The following CDH13 variants were observed in gnomAD, a reference collection of about 807,000 sequenced individuals.
CDH13 encodes the protein cadherin-13.
CDH13 carries 24 observed loss-of-function variants against 63.8 expected under a neutral mutation model. That is an observed-to-expected ratio of 0.38 (90% CI 0.27 to 0.53). CDH13 has a LOEUF of 0.53. CDH13 is among the 20% of genes least tolerant of loss of function. CDH13 has a pLI of 0.85. For missense variants in CDH13, 1,049 were observed against 903.1 expected (o/e 1.16, Z -2.07); for synonymous variants, 503 against 355.3 (o/e 1.42, Z -4.67).
intron 3 of CDH13, among the ~76,000 whole-genome samples, chr16:83,103,406 C>T (rs139449832): frequency 6.6e-5 from 10 of 151,360 alleles, no homozygotes; most frequent in East Asian, 3.9e-4. Flanking sequence ...CCACCACGCC[C>T]GGCTGATTTT....
intron 7 of CDH13, among the ~76,000 whole-genome samples, chr16:83,490,353 A>G (rs1008453639): frequency 1.3e-5 from 2 of 152,158 alleles, no homozygotes; most frequent in Admixed American, 6.5e-5. Flanking sequence ...TGCCTTTTAT[A>G]GATTCACTTT....
At chr16:82,911,006 G>T (rs946340251) in intron 2 of CDH13, among the ~76,000 whole-genome samples, 1 of 152,148 alleles carries the variant, frequency 6.6e-6, no homozygotes, top group Non-Finnish European at 1.5e-5. Context: ...GCTGAGGTTG[G>T]TGTACACTCA....
intron 3 of CDH13, among the ~76,000 whole-genome samples, chr16:83,058,608 C>G (rs892146360): frequency 6.6e-6 from 1 of 152,158 alleles, no homozygotes; most frequent in Admixed American, 6.5e-5. Flanking sequence ...GCTCCCCTGA[C>G]CACACAGGAA....
intron 2 of CDH13, chr16:82,859,747 A>G (rs1402068187): frequency 2.0e-5 from 3 of 152,110 alleles, no homozygotes; most frequent in Non-Finnish European, 4.4e-5. Flanking sequence ...AAAAAAAAAA[A>G]AAGCACACTT....
At chr16:82,997,184 G>C (rs541413191) in intron 2 of CDH13, among the ~76,000 whole-genome samples, 20 of 152,158 alleles carry the variant, frequency 1.3e-4, no homozygotes, top group African/African-American at 4.6e-4. Flanking sequence ...TGATGGTGGT[G>C]ATGTTGATGG....
intron 7 of CDH13, among the ~76,000 whole-genome samples, chr16:83,568,241 C>T (rs976224497): frequency 2.0e-5 from 3 of 151,936 alleles, no homozygotes; most frequent in African/African-American, 7.3e-5. Context: ...TCAGAGCTGT[C>T]GAGATGAAAA....
At chr16:82,702,687 A>C (rs2031145586) in intron 1 of CDH13, among the ~76,000 whole-genome samples, 2 of 152,330 alleles carry the variant, frequency 1.3e-5, no homozygotes, top group Admixed American at 6.5e-5. Context: ...CAATTCTGAC[A>C]ATGTGTAAGC....
chr16:82,896,292 T>TTTTTTTTTTTTTTTTC (rs2041256833), intron 2 of CDH13, among the ~76,000 whole-genome samples: 1 of 51,558 alleles, frequency 1.9e-5, no homozygotes, highest in African/African-American at 6.7e-5. Flanking sequence ...TTTTTTTTTT[T>TTTTTTTTTTTTTTTTC]TTTTTTTTTT....
intron 8 of CDH13, among the ~76,000 whole-genome samples, chr16:83,656,760 C>T (rs1483371096): frequency 6.6e-6 from 1 of 152,178 alleles, no homozygotes; most frequent in Non-Finnish European, 1.5e-5. Context: ...AATATCACAG[C>T]CAATTTTAGG....
intron 10 of CDH13, among the ~76,000 whole-genome samples, chr16:83,723,442 C>T (rs998069065): frequency 6.6e-6 from 1 of 152,238 alleles, no homozygotes; most frequent in African/African-American, 2.4e-5. Flanking sequence ...TAGCTGGAGG[C>T]TCCTCAGTGA....
At chr16:83,242,493 A>C (rs1033129343) in intron 5 of CDH13, among the ~76,000 whole-genome samples, 1 of 152,192 alleles carries the variant, frequency 6.6e-6, no homozygotes, top group Non-Finnish European at 1.5e-5. Context: ...AAGTTTTTCT[A>C]AATCAGATGT....
At chr16:83,266,894 T>A (rs1907688851) in intron 5 of CDH13, among the ~76,000 whole-genome samples, 1 of 152,232 alleles carries the variant, frequency 6.6e-6, no homozygotes, top group South Asian at 2.1e-4. Flanking sequence ...TAACTATCAA[T>A]GACCCACAGT....
intron 1 of CDH13, among the ~76,000 whole-genome samples, chr16:82,707,603 G>T (rs1372878833): frequency 6.6e-6 from 1 of 152,222 alleles, no homozygotes; most frequent in East Asian, 1.9e-4. Context: ...CAGGGGTGCA[G>T]AGGGTGTGTG....
intron 1 of CDH13, among the ~76,000 whole-genome samples, chr16:82,847,771 C>CCATTCACT (rs1182397544): frequency 6.6e-6 from 1 of 152,198 alleles, no homozygotes; most frequent in Non-Finnish European, 1.5e-5. Context: ...CATGTGAAGG[C>CCATTCACT]CATTCACTCT....
At chr16:83,393,557 C>T (rs936324085) in intron 6 of CDH13, among the ~76,000 whole-genome samples, 1 of 152,186 alleles carries the variant, frequency 6.6e-6, no homozygotes, top group Non-Finnish European at 1.5e-5. Context: ...CACCAATCCC[C>T]AGCCCACAGT....
intron 1 of CDH13, among the ~76,000 whole-genome samples, chr16:82,833,988 A>T (rs376343885): frequency 1.3e-5 from 2 of 152,240 alleles, no homozygotes; most frequent in East Asian, 3.8e-4. Flanking sequence ...TCTGAACCCA[A>T]TCAGGTTAGT....
intron 7 of CDH13, among the ~76,000 whole-genome samples, chr16:83,518,343 C>T (rs1302503262): frequency 6.6e-6 from 1 of 151,764 alleles, no homozygotes; most frequent in Non-Finnish European, 1.5e-5. Context: ...GACGGGGTTT[C>T]ATCGTGTTAG....
chr16:83,517,102 A>C (rs1228321305), intron 7 of CDH13, among the ~76,000 whole-genome samples: 1 of 152,188 alleles, frequency 6.6e-6, no homozygotes, highest in Non-Finnish European at 1.5e-5. Flanking sequence ...GAATTCCTGG[A>C]ATCTCTTGCT....
At chr16:83,671,084 C>T (rs565234958) in intron 9 of CDH13, 112 bp downstream of exon 9, 4 of 910,430 alleles carry the variant, frequency 4.4e-6, no homozygotes, top group South Asian at 2.0e-5. Flanking sequence ...CCCCAGTCTC[C>T]TCCTTCTGGG....
Sources: gnomAD v4.1 joint callset for allele counts (sites outside exome capture counted in the v4.1 genomes callset) on GRCh38, gnomAD v4.1.1 for gene constraint, MANE v1.5 for transcripts, NCBI Gene and HGNC (gene_info 2026-07-23, HGNC 2026-07-21) for gene names.